DRD2: variants seen among roughly 807,000 people sequenced by gnomAD.
DRD2 encodes D(2) dopamine receptor.
DRD2 carries 8 observed loss-of-function variants against 38.0 expected under a neutral mutation model. That is an observed-to-expected ratio of 0.21 (90% CI 0.12 to 0.38). The LOEUF is 0.38. DRD2 is among the 10% of genes least tolerant of loss of function. The pLI, the probability that DRD2 is intolerant of heterozygous loss-of-function variation, is 1.00. For synonymous variants in DRD2, 230 were observed against 238.6 expected, an observed-to-expected ratio of 0.96 and a Z score of 0.33; for missense variants, 403 against 607.7, an observed-to-expected ratio of 0.66 and a Z score of 3.54.
chr11:113,411,822 T>A (rs1565658723), intron 7 of DRD2: 1 of 152,572 alleles, frequency 6.6e-6, no homozygotes, highest in Non-Finnish European at 1.5e-5. Context: ...CATCCGGCAG[T>A]CAAAGGGGAT....
At chr11:113,427,061 T>G (rs908981450) in intron 1 of DRD2, among the ~76,000 whole-genome samples, 1 of 152,262 alleles carries the variant, frequency 6.6e-6, no homozygotes, top group African/African-American at 2.4e-5. Flanking sequence ...CACTCCCTGC[T>G]GCTGATGATA....
chr11:113,427,808 C>G (rs561455856), intron 1 of DRD2, among the ~76,000 whole-genome samples: 1 of 152,162 alleles, frequency 6.6e-6, no homozygotes, highest in Non-Finnish European at 1.5e-5. Flanking sequence ...AAGTCCTAAC[C>G]CCCAGTACCT....
intron 1 of DRD2, among the ~76,000 whole-genome samples, chr11:113,469,732 C>T (rs1244780800): frequency 1.3e-5 from 2 of 152,056 alleles, no homozygotes; most frequent in Admixed American, 6.6e-5. Flanking sequence ...CCCAGCTGCT[C>T]GGGTGGCTGA....
At chr11:113,447,194 G>T (rs999233889) in intron 1 of DRD2, among the ~76,000 whole-genome samples, 1 of 152,164 alleles carries the variant, frequency 6.6e-6, no homozygotes, top group East Asian at 1.9e-4. Context: ...CGGGAGGCCC[G>T]CTGGGCTGCA....
Position 113,418,528 on chromosome 11 carries a change from C to T in DRD2, c.286-392G>A, listed in dbSNP as rs564534650. On this transcript the variant is annotated intron_variant, in intron 2 of 7. Coordinates refer to ENST00000362072, the MANE Select transcript of DRD2 (RefSeq NM_000795.4). Reference sequence around the variant, plus strand: ...CTATATTTTTCTATCTTCTCTGATCCTGATATTCTGGCACTTGGGAGCCTC... The same window carrying T: ...CTATATTTTTCTATCTTCTCTGATCTTGATATTCTGGCACTTGGGAGCCTC... 3.9e-5 allele frequency among the ~76,000 whole-genome samples: 6 copies of T among 152,242 alleles called. No individual in the cohort carries two copies. The South Asian group carries it at 6.2e-4, about 16-fold the overall frequency.
At chr11:113,432,761 C>T (rs575370626) in intron 1 of DRD2, among the ~76,000 whole-genome samples, 67 of 152,202 alleles carry the variant, frequency 4.4e-4, no homozygotes, top group Non-Finnish European at 8.7e-4. Context: ...CCCTACCCCT[C>T]CAGGCAAAGG....
chr11:113,417,580 T>C (rs1950839466), intron 3 of DRD2, among the ~76,000 whole-genome samples: 1 of 152,172 alleles, frequency 6.6e-6, no homozygotes, highest in African/African-American at 2.4e-5. Context: ...AAGGTGTGCA[T>C]GGCCTGGGAC....
At chr11:113,412,952 G>T in intron 6 of DRD2, 69 bp from the exon 7 acceptor site, 1 of 1,505,470 alleles carries the variant, frequency 6.6e-7, no homozygotes. Context: ...CCATCTCACT[G>T]GCCCCTCCCT....
rs1378898748 is a variant in DRD2 at position 113,409,959 on chromosome 11, T to A, written c.*768A>T. The A allele has an allele frequency of 6.5e-6, 1 of 152,748 alleles. No homozygotes were observed. Among genetic ancestry groups the A allele is most frequent in the East Asian group, 1.9e-4 (1 of 5,182 alleles). 9.5% of individuals were successfully genotyped at this position (152,748 alleles called of 1,614,324 possible). ...CTGCCAGGCCCCAGGCTGGCCAGCA[T>A]GTGCTGTGAGAAGGGATACATTGCA... On this transcript the variant is annotated 3_prime_UTR_variant, in exon 8 of 8. Coordinates refer to ENST00000362072, the MANE Select transcript of DRD2 (RefSeq NM_000795.4).
At chr11:113,448,289 A>AGG (rs1951172720) in intron 1 of DRD2, among the ~76,000 whole-genome samples, 1 of 152,142 alleles carries the variant, frequency 6.6e-6, no homozygotes, top group Non-Finnish European at 1.5e-5. Flanking sequence ...TCTGACTTCA[A>AGG]CCTGGGGCAG....
At chr11:113,413,662 C>T (rs1285884030) in intron 6 of DRD2, among the ~76,000 whole-genome samples, 1 of 152,202 alleles carries the variant, frequency 6.6e-6, no homozygotes, top group African/African-American at 2.4e-5. Context: ...CAGGTGAAGG[C>T]AGGACACCAG....
At position 113,443,355 on chromosome 11, in the gene DRD2, T is replaced by C. The variant is rs191788506; in HGVS notation, c.-31-18673A>G. On this transcript the variant is annotated intron_variant, in intron 1 of 7. Coordinates refer to ENST00000362072, the MANE Select transcript of DRD2 (RefSeq NM_000795.4). ...GCAAGTCTGTCTCTCTCCTCTCCTA[T>C]GCTCTTTAAGAACAAGGCTTGTATC... 1.1e-4 allele frequency among the ~76,000 whole-genome samples: 16 copies of C among 152,330 alleles called. No individual in the cohort carries two copies. The East Asian group carries it at 3.1e-3, about 29-fold the overall frequency.
At chr11:113,420,388 C>A (rs1344855090) in intron 2 of DRD2, among the ~76,000 whole-genome samples, 3 of 152,208 alleles carry the variant, frequency 2.0e-5, no homozygotes, top group Admixed American at 2.0e-4. Flanking sequence ...AAAGAGATTT[C>A]CTCTGTGGTC....
At chr11:113,426,627 C>T (rs1125393) in intron 1 of DRD2, among the ~76,000 whole-genome samples, 24,622 of 152,024 alleles carry the variant, frequency 0.16, 2,511 homozygotes, top group East Asian at 0.42. Context: ...GCCCAATCTC[C>T]ACACTCTCAT....
chr11:113,471,585 C>G (rs906619950), intron 1 of DRD2, among the ~76,000 whole-genome samples: 1 of 152,216 alleles, frequency 6.6e-6, no homozygotes, highest in South Asian at 2.1e-4. Context: ...CCATGGTTTC[C>G]GAGTGTTTCC....
intron 1 of DRD2, among the ~76,000 whole-genome samples, chr11:113,426,022 T>C (rs1950938676): frequency 6.6e-6 from 1 of 151,984 alleles, no homozygotes; most frequent in Admixed American, 6.5e-5. Flanking sequence ...AAGTGTATGG[T>C]GTAGAAGAGA....
intron 1 of DRD2, among the ~76,000 whole-genome samples, chr11:113,439,637 C>T (rs571310350): frequency 7.3e-5 from 11 of 151,520 alleles, no homozygotes; most frequent in Non-Finnish European, 1.5e-4. Flanking sequence ...GTCAGGAGTT[C>T]GAGACCAGCC....
chr11:113,438,541 G>T (rs1386096757), intron 1 of DRD2, among the ~76,000 whole-genome samples: 1 of 152,158 alleles, frequency 6.6e-6, no homozygotes, highest in Non-Finnish European at 1.5e-5. Flanking sequence ...CCAATTTTCT[G>T]CATGCTTCAG....
chr11:113,413,005 G>T (rs1437658054), intron 6 of DRD2, 122 bp from the exon 7 acceptor site: 1 of 1,124,590 alleles, frequency 8.9e-7, no homozygotes, highest in South Asian at 1.5e-5. Context: ...GGGTCACCCT[G>T]CCAGGGAGGC....
Sources: allele counts gnomAD v4.1 joint callset (sites outside exome capture counted in the v4.1 genomes callset), GRCh38; gene constraint gnomAD v4.1.1; transcripts MANE v1.5; gene names NCBI Gene and HGNC (gene_info 2026-07-23, HGNC 2026-07-21).